C2orf66: variants seen among roughly 807,000 people sequenced by gnomAD.
C2orf66 encodes the protein uncharacterized protein C2orf66.
Under a neutral mutation model 7.0 loss-of-function variants are expected in C2orf66, and 6 were observed. The observed-to-expected ratio is 0.86, with a 90% CI of 0.47 to 1.69. C2orf66 has a LOEUF of 1.69. Among genes scored for constraint, C2orf66 ranks in the 40% most tolerant of loss-of-function variants. C2orf66 has a pLI of 0.01. For synonymous variants in C2orf66, 38 were observed against 43.8 expected (o/e 0.87, Z 0.52); for missense variants, 107 against 112.0 (o/e 0.96, Z 0.20).
At chr2:196,828,085 G>T in the C2orf66 span, among the ~76,000 whole-genome samples, 1 of 151,970 alleles carries the variant, frequency 6.6e-6, no homozygotes, top group Admixed American at 6.6e-5. Flanking sequence ...CATCTATTAA[G>T]CACAGTAAAA....
the C2orf66 span, among the ~76,000 whole-genome samples, chr2:196,816,783 T>G: frequency 6.6e-6 from 1 of 152,252 alleles, no homozygotes. Context: ...CGTTTTTATG[T>G]AATAGGGCTA....
upstream of C2orf66, among the ~76,000 whole-genome samples, chr2:196,810,721 T>C (rs1207834093): frequency 1.3e-5 from 2 of 152,240 alleles, no homozygotes; most frequent in Non-Finnish European, 2.9e-5. Flanking sequence ...ATCTTGACCC[T>C]GGGCAAGTTA....
chr2:196,829,188 C>A, the C2orf66 span, among the ~76,000 whole-genome samples: 1 of 151,958 alleles, frequency 6.6e-6, no homozygotes, highest in Non-Finnish European at 1.5e-5. Context: ...GGAAGGCCCA[C>A]GAGGTTTCCA....
At chr2:196,831,382 T>C in the C2orf66 span, among the ~76,000 whole-genome samples, 1 of 152,154 alleles carries the variant, frequency 6.6e-6, no homozygotes, top group Non-Finnish European at 1.5e-5. Flanking sequence ...GGTGGGCTGG[T>C]TCCCACGGTG....
At chr2:196,816,836 A>C in the C2orf66 span, among the ~76,000 whole-genome samples, 1 of 152,128 alleles carries the variant, frequency 6.6e-6, no homozygotes, top group Admixed American at 6.5e-5. Context: ...GGGGGAACCC[A>C]CCCCCATATT....
chr2:196,818,141 T>C, the C2orf66 span, among the ~76,000 whole-genome samples: 1 of 152,212 alleles, frequency 6.6e-6, no homozygotes, highest in Non-Finnish European at 1.5e-5. Flanking sequence ...TCACAATTTA[T>C]GTTCCTCTGC....
the C2orf66 span, among the ~76,000 whole-genome samples, chr2:196,820,712 A>G: frequency 6.6e-6 from 1 of 152,234 alleles, no homozygotes; most frequent in Non-Finnish European, 1.5e-5. Flanking sequence ...AGACATACTT[A>G]TGAATAAGAA....
At chr2:196,810,930 C>T (rs928813465), upstream of C2orf66, among the ~76,000 whole-genome samples, 5 of 152,200 alleles carry the variant, frequency 3.3e-5, no homozygotes, top group Non-Finnish European at 5.9e-5. Flanking sequence ...CAAATGTGTA[C>T]ATATAAGTGA....
the C2orf66 span, among the ~76,000 whole-genome samples, chr2:196,815,826 A>G: frequency 2.6e-5 from 4 of 152,320 alleles, no homozygotes; most frequent in South Asian, 8.3e-4. Flanking sequence ...AAGGAAAAAA[A>G]CCCAGAGCTG....
the C2orf66 span, among the ~76,000 whole-genome samples, chr2:196,825,628 A>T: frequency 2.0e-5 from 3 of 152,368 alleles, no homozygotes; most frequent in African/African-American, 7.2e-5. Flanking sequence ...TCAAAGGGTT[A>T]CAAGATACAT....
chr2:196,810,673 T>G (rs1699865834), upstream of C2orf66, among the ~76,000 whole-genome samples: 1 of 152,218 alleles, frequency 6.6e-6, no homozygotes, highest in Non-Finnish European at 1.5e-5. Context: ...TGATCTCGAC[T>G]GGAAATTAGC....
At chr2:196,823,244 T>C in the C2orf66 span, among the ~76,000 whole-genome samples, 3 of 152,296 alleles carry the variant, frequency 2.0e-5, no homozygotes, top group South Asian at 2.1e-4. Flanking sequence ...CCAAAATGAA[T>C]GTTAAATAGA....
Position 196,804,469 on chromosome 2 carries a change from A to T in C2orf66, c.*959T>A, listed in dbSNP as rs550879069. Among the ~76,000 whole-genome samples, 17 of 152,350 alleles carry T rather than the reference A, an allele frequency of 1.1e-4. No homozygotes were observed. Among genetic ancestry groups the T allele is most frequent in the Admixed American group, 2.0e-4 (3 of 15,306 alleles). ...ATATACAATATCAATAATCCACCCA[A>T]AAAAGCCACATTAAAATATTTTGAA... is the stretch of plus-strand genomic sequence containing the variant. On this transcript the variant is annotated 3_prime_UTR_variant, in exon 3 of 3. Coordinates refer to ENST00000342506, the MANE Select transcript of C2orf66 (RefSeq NM_213608.3).
At chr2:196,818,422 G>A in the C2orf66 span, among the ~76,000 whole-genome samples, 2 of 152,210 alleles carry the variant, frequency 1.3e-5, no homozygotes, top group Non-Finnish European at 2.9e-5. Flanking sequence ...TTGGGCAGCA[G>A]CCTCCCTGTC....
chr2:196,814,270 C>A (rs1296421218), upstream of C2orf66, among the ~76,000 whole-genome samples: 3 of 152,062 alleles, frequency 2.0e-5, no homozygotes, highest in Non-Finnish European at 4.4e-5. Flanking sequence ...ATGTCCTTTG[C>A]AGGGACATGG....
At chr2:196,805,505 T>C (rs1185389654) in intron 2 of C2orf66, 97 bp from the exon 3 acceptor site, 2 of 152,152 alleles carry the variant, frequency 1.3e-5, no homozygotes, top group Non-Finnish European at 2.9e-5. Context: ...GAAAACTCTT[T>C]TTGTCTTCAT....
the C2orf66 span, among the ~76,000 whole-genome samples, chr2:196,816,319 C>T: frequency 3.3e-5 from 5 of 151,996 alleles, no homozygotes; most frequent in East Asian, 5.8e-4. Flanking sequence ...AGTCAAACGA[C>T]GTTGGTTAAA....
At chr2:196,814,511 C>G in the C2orf66 span, among the ~76,000 whole-genome samples, 1 of 151,892 alleles carries the variant, frequency 6.6e-6, no homozygotes, top group Non-Finnish European at 1.5e-5. Context: ...ACATGGCATG[C>G]GTATACCTGT....
chr2:196,815,042 G>A, the C2orf66 span, among the ~76,000 whole-genome samples: 1 of 152,108 alleles, frequency 6.6e-6, no homozygotes, highest in Non-Finnish European at 1.5e-5. Context: ...ACAGCTCACT[G>A]CAGCCTCCAC....
Sources: gnomAD v4.1 joint callset for allele counts (sites outside exome capture counted in the v4.1 genomes callset) on GRCh38, gnomAD v4.1.1 for gene constraint, MANE v1.5 for transcripts, NCBI Gene and HGNC (gene_info 2026-07-23, HGNC 2026-07-21) for gene names.